The following STPG2 variants were observed in gnomAD, a reference collection of about 807,000 sequenced individuals.
STPG2 encodes sperm-tail PG-rich repeat-containing protein 2.
In STPG2, 56 loss-of-function variants were observed where a neutral mutation model predicts 54.2. The observed-to-expected ratio is 1.03, with a 90% confidence interval of 0.83 to 1.29. The LOEUF (loss-of-function observed/expected upper bound fraction) is 1.29, where lower values mean the gene tolerates loss of function less well. STPG2 is among the 50% of genes most tolerant of loss of function. The pLI is 0.00. For synonymous variants in STPG2, 200 were observed against 181.8 expected, an observed-to-expected ratio of 1.10 and a Z score of -0.81; for missense variants, 596 against 544.9, an observed-to-expected ratio of 1.09 and a Z score of -0.93.
intron 10 of STPG2, among the ~76,000 whole-genome samples, chr4:97,679,839 A>C (rs1241216492): frequency 6.6e-6 from 1 of 152,072 alleles, no homozygotes; most frequent in Non-Finnish European, 1.5e-5. Context: ...TCAGCTTTCT[A>C]CATATGGCTA....
intron 5 of STPG2, among the ~76,000 whole-genome samples, chr4:98,022,141 T>C (rs897177108): frequency 7.2e-5 from 11 of 152,210 alleles, no homozygotes; most frequent in African/African-American, 2.7e-4. Flanking sequence ...GGCATGTTTT[T>C]GCAGTGGCTG....
At chr4:97,728,953 CAAAG>C (rs774218245) in intron 9 of STPG2, among the ~76,000 whole-genome samples, 24 of 150,868 alleles carry the variant, frequency 1.6e-4, no homozygotes, top group Non-Finnish European at 2.4e-4. Flanking sequence ...TACAGAGAGA[CAAAG>C]AAAGAGAGAC....
intron 10 of STPG2, among the ~76,000 whole-genome samples, chr4:97,702,021 C>T (rs940831351): frequency 2.0e-5 from 3 of 152,144 alleles, no homozygotes; most frequent in African/African-American, 7.2e-5. Flanking sequence ...ATCTGTTTCA[C>T]AACGCATTGT....
chr4:97,653,402 T>G (rs1722131392), intron 10 of STPG2, among the ~76,000 whole-genome samples: 1 of 151,386 alleles, frequency 6.6e-6, no homozygotes, highest in Admixed American at 6.6e-5. Flanking sequence ...AAAAAAAACC[T>G]TGAAACTCTA....
At chr4:97,864,890 T>C (rs1729706286) in intron 8 of STPG2, among the ~76,000 whole-genome samples, 1 of 152,144 alleles carries the variant, frequency 6.6e-6, no homozygotes, top group Non-Finnish European at 1.5e-5. Flanking sequence ...GCTAGCCATA[T>C]GTAGAAAGCT....
At chr4:97,804,583 A>G (rs951295469) in intron 9 of STPG2, among the ~76,000 whole-genome samples, 10 of 152,198 alleles carry the variant, frequency 6.6e-5, no homozygotes, top group African/African-American at 2.4e-4. Flanking sequence ...AAAGTTTTTA[A>G]AAATTTGAAA....
At chr4:97,842,447 G>T (rs1728830433) in intron 8 of STPG2, among the ~76,000 whole-genome samples, 1 of 151,900 alleles carries the variant, frequency 6.6e-6, no homozygotes, top group Non-Finnish European at 1.5e-5. Flanking sequence ...GAGATCCTGT[G>T]CATACAATAT....
chr4:97,470,946 T>C (rs138808930), intron 4 of STPG2, among the ~76,000 whole-genome samples: 1 of 152,146 alleles, frequency 6.6e-6, no homozygotes, highest in Non-Finnish European at 1.5e-5. Context: ...TCTGCTTTGG[T>C]TGATCCTGGA....
chr4:97,944,033 G>A, intron 7 of STPG2, 26 bp from the exon 8 acceptor site: 1 of 1,452,404 alleles, frequency 6.9e-7, no homozygotes, highest in South Asian at 1.2e-5. Flanking sequence ...GTTAAAAAGA[G>A]TACATCATTT....
chr4:97,596,399 C>T (rs1733294528), intron 10 of STPG2, among the ~76,000 whole-genome samples: 1 of 152,058 alleles, frequency 6.6e-6, no homozygotes. Flanking sequence ...CTGAACTTGA[C>T]ACTTGACCAA....
chr4:98,135,863 G>A (rs1223409803), intron 1 of STPG2, among the ~76,000 whole-genome samples: 1 of 151,786 alleles, frequency 6.6e-6, no homozygotes, highest in African/African-American at 2.4e-5. Flanking sequence ...TAAATAGCCA[G>A]AGAACAAGAA....
rs149299800 is a variant in STPG2, at chr4:97,592,406, A to G, written c.1321-33289T>C. Among the ~76,000 whole-genome samples the G allele has an allele frequency of 1.5e-3, 232 of 152,302 alleles. 1 individual carries two copies. The highest frequency in any genetic ancestry group is 5.5e-3 in the African/African-American group (230 of 41,584). On this transcript the variant is annotated intron_variant, in intron 10 of 10. Coordinates refer to ENST00000295268, the MANE Select transcript of STPG2 (RefSeq NM_174952.3). ...TGCCAATATGTTTTTTGAGATCTCA[A>G]TACATCAAGCTCAAGTAATTAATTC...
chr4:98,001,705 A>T (rs1735420409), intron 5 of STPG2, among the ~76,000 whole-genome samples: 1 of 152,146 alleles, frequency 6.6e-6, no homozygotes, highest in African/African-American at 2.4e-5. Context: ...GCGTACAGGA[A>T]ATCACTCATG....
intron 8 of STPG2, among the ~76,000 whole-genome samples, chr4:97,906,352 T>A (rs1371482335): frequency 1.3e-5 from 2 of 152,038 alleles, no homozygotes; most frequent in East Asian, 3.9e-4. Flanking sequence ...AATAAAAGGA[T>A]CTGAAATTGT....
intron 5 of STPG2, chr4:98,026,207 C>A: frequency 1.7e-6 from 2 of 1,185,238 alleles, no homozygotes; most frequent in South Asian, 2.5e-5. Flanking sequence ...GAAGAAAGAT[C>A]GGGTAGCTCA....
chr4:98,025,458 A>C, intron 5 of STPG2: 1 of 479,250 alleles, frequency 2.1e-6, no homozygotes, highest in Non-Finnish European at 4.0e-6. Flanking sequence ...AGACGAGGAA[A>C]GGGTAAAACT....
At chr4:97,554,313 T>C (rs148406670), downstream of STPG2, among the ~76,000 whole-genome samples, 630 of 152,278 alleles carry the variant, frequency 4.1e-3, 3 homozygotes, top group South Asian at 0.02. Context: ...GTGCCAATCA[T>C]GTCAGAGGCC....
At chr4:98,030,661 G>T (rs922288226) in intron 5 of STPG2, among the ~76,000 whole-genome samples, 1 of 152,066 alleles carries the variant, frequency 6.6e-6, no homozygotes, top group African/African-American at 2.4e-5. Context: ...AACCAAAACA[G>T]CATGATACTG....
At chr4:97,834,603 A>C (rs921243825) in intron 9 of STPG2, among the ~76,000 whole-genome samples, 1 of 152,126 alleles carries the variant, frequency 6.6e-6, no homozygotes, top group Non-Finnish European at 1.5e-5. Flanking sequence ...TTTATTAAAA[A>C]TGGGAGACTG....
Sources: allele counts gnomAD v4.1 joint callset (sites outside exome capture counted in the v4.1 genomes callset), GRCh38; gene constraint gnomAD v4.1.1; transcripts MANE v1.5; gene names NCBI Gene and HGNC (gene_info 2026-07-23, HGNC 2026-07-21).